Variants in HDAC9 observed in about 807,000 individuals in gnomAD.
HDAC9 encodes the protein histone deacetylase 9.
A neutral mutation model predicts 139.4 loss-of-function variants in HDAC9; 41 were observed. The observed-to-expected ratio is 0.29, with a 90% confidence interval of 0.23 to 0.38. The LOEUF (loss-of-function observed/expected upper bound fraction) is 0.38, where lower values mean the gene tolerates loss of function less well. Ranked by LOEUF, HDAC9 falls within the 10% of genes least tolerant of loss-of-function variation. The probability of loss-of-function intolerance (pLI) is 1.00; values close to 1 mark genes in which losing one functional copy is unlikely to be tolerated. For synonymous variants in HDAC9, 517 were observed against 476.2 expected (o/e 1.09, Z -1.12); for missense variants, 1,147 against 1,297.0 (o/e 0.88, Z 1.78).
intron 12 of HDAC9, among the ~76,000 whole-genome samples, chr7:18,709,976 G>A (rs546389251): frequency 2.0e-5 from 3 of 152,262 alleles, no homozygotes; most frequent in African/African-American, 2.4e-5. Context: ...AGACATACCC[G>A]AGACTGGGTA....
intron 1 of HDAC9, among the ~76,000 whole-genome samples, chr7:18,411,121 G>C (rs1458826846): frequency 6.6e-6 from 1 of 152,162 alleles, no homozygotes; most frequent in African/African-American, 2.4e-5. Flanking sequence ...GTTCCAGCCT[G>C]AGTATTTGGT....
At chr7:18,792,092 T>A (rs532553000) in intron 16 of HDAC9, among the ~76,000 whole-genome samples, 22 of 152,272 alleles carry the variant, frequency 1.4e-4, no homozygotes, top group Non-Finnish European at 2.2e-4. Flanking sequence ...TGTTCTCATT[T>A]ATTATTTTTG....
At chr7:18,560,446 A>G (rs1476909053) in intron 2 of HDAC9, among the ~76,000 whole-genome samples, 1 of 152,236 alleles carries the variant, frequency 6.6e-6, no homozygotes, top group African/African-American at 2.4e-5. Flanking sequence ...AACACTAACC[A>G]TTGTGCTACC....
chr7:18,556,183 C>T (rs1041771076), intron 2 of HDAC9, among the ~76,000 whole-genome samples: 5 of 151,874 alleles, frequency 3.3e-5, no homozygotes, highest in African/African-American at 7.3e-5. Context: ...GGTAGCACTT[C>T]GTGTTAGAAA....
intron 1 of HDAC9, among the ~76,000 whole-genome samples, chr7:18,135,399 C>T (rs1785319536): frequency 7.0e-6 from 1 of 143,396 alleles, no homozygotes; most frequent in South Asian, 2.3e-4. Context: ...TGCGCTGCAC[C>T]CACTAACTCG....
At chr7:18,278,134 G>GAT (rs528582123) in intron 2 of HDAC9, among the ~76,000 whole-genome samples, 283 of 152,192 alleles carry the variant, frequency 1.9e-3, no homozygotes, top group Admixed American at 3.4e-3. Flanking sequence ...TCCACTTCTG[G>GAT]ATATTTTGGT....
intron 14 of HDAC9, among the ~76,000 whole-genome samples, chr7:18,756,743 G>T (rs1295519300): frequency 6.6e-6 from 1 of 152,298 alleles, no homozygotes; most frequent in Admixed American, 6.5e-5. Context: ...TTAAGGACAC[G>T]TGGGAGTCAG....
intron 2 of HDAC9, among the ~76,000 whole-genome samples, chr7:18,528,284 T>C (rs1807613630): frequency 6.6e-6 from 1 of 151,664 alleles, no homozygotes; most frequent in South Asian, 2.1e-4. Context: ...GTCGAATTAA[T>C]TTGCTTATTT....
intron 2 of HDAC9, among the ~76,000 whole-genome samples, chr7:18,171,176 C>G (rs975562822): frequency 1.1e-4 from 16 of 152,046 alleles, no homozygotes; most frequent in Non-Finnish European, 1.9e-4. Context: ...TTGTAAGTTG[C>G]ATTCCTAGGT....
At chr7:18,430,934 A>T (rs561775974) in intron 1 of HDAC9, among the ~76,000 whole-genome samples, 1 of 152,236 alleles carries the variant, frequency 6.6e-6, no homozygotes, top group South Asian at 2.1e-4. Flanking sequence ...TACCCTATGT[A>T]ACACACTGAT....
chr7:18,483,567 A>G (rs1210322754), intron 1 of HDAC9, among the ~76,000 whole-genome samples: 1 of 152,240 alleles, frequency 6.6e-6, no homozygotes, highest in East Asian at 1.9e-4. Context: ...CATGTTGTCT[A>G]ATGTGTCTTC....
chr7:18,168,091 A>G (rs1788129642), intron 2 of HDAC9, among the ~76,000 whole-genome samples: 1 of 152,210 alleles, frequency 6.6e-6, no homozygotes, highest in African/African-American at 2.4e-5. Context: ...GCTATTAGAA[A>G]ATTCAAGTTC....
chr7:18,109,108 A>T (rs1245872188), intron 1 of HDAC9, among the ~76,000 whole-genome samples: 1 of 152,218 alleles, frequency 6.6e-6, no homozygotes, highest in African/African-American at 2.4e-5. Context: ...GAAAGTGGAT[A>T]AAATGGACCT....
chr7:18,858,294 T>A (rs951598089), intron 21 of HDAC9, among the ~76,000 whole-genome samples: 1 of 152,174 alleles, frequency 6.6e-6, no homozygotes, highest in Non-Finnish European at 1.5e-5. Flanking sequence ...AGAGGTTTAA[T>A]TGACTCACGT....
intron 22 of HDAC9, among the ~76,000 whole-genome samples, chr7:18,909,399 T>C (rs1802547568): frequency 6.6e-6 from 1 of 152,018 alleles, no homozygotes; most frequent in African/African-American, 2.4e-5. Flanking sequence ...AGTATGATAT[T>C]ATTTCATTGT....
rs535578569 is a variant in HDAC9 at position 18,235,779 on chromosome 7, C to G, written c.25+73430C>G. ...AGAGCAAGTAAATTTAAAGAACTTA[C>G]CTAAGGTCACAATGCTATTAAGAGA... On this transcript the variant is annotated intron_variant, in intron 2 of 12. Transcript: ENST00000417496. Among the ~76,000 whole-genome samples, 165 of 152,234 alleles carry G rather than the reference C, an allele frequency of 1.1e-3. 1 individual carries two copies. The highest frequency in any genetic ancestry group is 8.8e-5 in the Non-Finnish European group (6 of 68,018).
chr7:19,000,958 T>G lies in HDAC9; in HGVS notation c.*4896T>G, dbSNP rs1786719465. ...TATATAAACATTTTGATAGATACTCTGTCTTTTGTTTTTTATCTCTTCTCT... is the reference window on the plus strand; with the variant it reads ...TATATAAACATTTTGATAGATACTCGGTCTTTTGTTTTTTATCTCTTCTCT... On this transcript the variant is annotated 3_prime_UTR_variant, in exon 26 of 26. Transcript: ENST00000686413. The G allele has an allele frequency of 6.6e-6, 1 of 152,200 alleles. No homozygotes were observed. Among genetic ancestry groups the G allele is most frequent in the Admixed American group, 6.5e-5 (1 of 15,280 alleles). 9.4% of individuals were successfully genotyped at this position (152,200 alleles called of 1,614,324 possible). A position where few individuals can be genotyped will look rare whatever the true frequency, so the allele number is the denominator to read the frequency against.
intron 17 of HDAC9, among the ~76,000 whole-genome samples, chr7:18,806,548 C>T (rs537945828): frequency 1.3e-5 from 2 of 152,292 alleles, no homozygotes; most frequent in South Asian, 4.1e-4. Flanking sequence ...GTCATTATGT[C>T]TCTCTGTGAC....
At chr7:18,726,969 A>C (rs1785598021) in intron 12 of HDAC9, among the ~76,000 whole-genome samples, 1 of 152,166 alleles carries the variant, frequency 6.6e-6, no homozygotes, top group Non-Finnish European at 1.5e-5. Flanking sequence ...GGATATATTT[A>C]ATAGTATATT....
Sources: gnomAD v4.1 joint callset for allele counts (sites outside exome capture counted in the v4.1 genomes callset) on GRCh38, gnomAD v4.1.1 for gene constraint, MANE v1.5 for transcripts, NCBI Gene and HGNC (gene_info 2026-07-23, HGNC 2026-07-21) for gene names.